The following ANKRD28 variants were observed in gnomAD, a reference collection of about 807,000 sequenced individuals.
ANKRD28 encodes the protein serine/threonine-protein phosphatase 6 regulatory ankyrin repeat subunit A.
Under a neutral mutation model 126.5 loss-of-function variants are expected in ANKRD28, and 44 were observed. That is an observed-to-expected ratio of 0.35 (90% CI 0.27 to 0.45). ANKRD28 has a LOEUF of 0.45. ANKRD28 is among the 20% of genes least tolerant of loss of function. The probability of loss-of-function intolerance (pLI) is 1.00; values close to 1 mark genes in which losing one functional copy is unlikely to be tolerated. For missense variants in ANKRD28, 1,110 were observed against 1,316.6 expected, an observed-to-expected ratio of 0.84 and a Z score of 2.43; for synonymous variants, 442 against 468.5, an observed-to-expected ratio of 0.94 and a Z score of 0.73.
chr3:15,824,836 G>A (rs1219166229), intron 1 of ANKRD28, among the ~76,000 whole-genome samples: 1 of 152,244 alleles, frequency 6.6e-6, no homozygotes, highest in Non-Finnish European at 1.5e-5. Context: ...ATTCCTAATA[G>A]AGGGCAGGAT....
At chr3:15,711,911 G>A (rs1396431649) in intron 11 of ANKRD28, among the ~76,000 whole-genome samples, 1 of 151,676 alleles carries the variant, frequency 6.6e-6, no homozygotes, top group Admixed American at 6.6e-5. Context: ...GGCCATGCTG[G>A]TCTTGAACTC....
intron 1 of ANKRD28, among the ~76,000 whole-genome samples, chr3:15,858,719 T>A (rs1420771663): frequency 6.6e-6 from 1 of 152,220 alleles, no homozygotes; most frequent in African/African-American, 2.4e-5. Context: ...TCTTTCCAAA[T>A]GTTTAGGTGT....
chr3:15,671,709 G>A (rs2066380265), intron 27 of ANKRD28, among the ~76,000 whole-genome samples: 2 of 151,078 alleles, frequency 1.3e-5, no homozygotes, highest in African/African-American at 2.4e-5. Flanking sequence ...TCAGCCTCCT[G>A]AGTAGCTGGG....
chr3:15,797,784 C>T lies in ANKRD28; in HGVS notation c.-1263G>A. 1 of 985,438 alleles carries T rather than the reference C, an allele frequency of 1.0e-6. No homozygotes were observed. Among genetic ancestry groups the T allele is most frequent in the African/African-American group, 1.7e-5 (1 of 57,348 alleles). The allele number at this position is 985,438 out of a possible 1,614,324, so 61.0% of individuals were successfully genotyped here. On this transcript the variant is annotated 5_prime_UTR_variant, in exon 1 of 28. Transcript: ENST00000683139. The stretch of plus-strand genomic sequence containing the variant: ...AGTTATCCTTTTCAGATTTCAAATG[C>T]TTTCCTGTTCCTCAGATGATCTTGC...
At chr3:15,857,577 G>A (rs759994714) in intron 1 of ANKRD28, among the ~76,000 whole-genome samples, 7 of 152,192 alleles carry the variant, frequency 4.6e-5, no homozygotes, top group Non-Finnish European at 1.0e-4. Flanking sequence ...GAGCCACCGC[G>A]CCTGGCCGCA....
At chr3:15,744,891 C>T (rs1389066156) in intron 4 of ANKRD28, among the ~76,000 whole-genome samples, 4 of 152,070 alleles carry the variant, frequency 2.6e-5, no homozygotes, top group East Asian at 3.9e-4. Flanking sequence ...TCATTGCATC[C>T]ACACCAACAT....
intron 1 of ANKRD28, among the ~76,000 whole-genome samples, chr3:15,851,708 G>A (rs2061655788): frequency 6.6e-6 from 1 of 152,162 alleles, no homozygotes; most frequent in Non-Finnish European, 1.5e-5. Flanking sequence ...GAAAAATGGT[G>A]CAGCCACTCT....
chr3:15,793,931 G>A (rs1443646097), intron 2 of ANKRD28, among the ~76,000 whole-genome samples: 4 of 152,052 alleles, frequency 2.6e-5, no homozygotes, highest in East Asian at 1.9e-4. Context: ...TTAATCGGGC[G>A]TGGTGGCAGG....
intron 2 of ANKRD28, among the ~76,000 whole-genome samples, chr3:15,771,733 T>C (rs989707215): frequency 6.6e-6 from 1 of 152,132 alleles, no homozygotes; most frequent in Admixed American, 6.5e-5. Flanking sequence ...GGGACAAACA[T>C]CCAAACGATA....
In ANKRD28 at chr3:15,791,216, C is replaced by T. The variant is rs141873120; in HGVS notation, c.201+4007G>A. On this transcript the variant is annotated intron_variant, in intron 2 of 27. Coordinates refer to ENST00000683139, the MANE Select transcript of ANKRD28 (RefSeq NM_001349278.2). ...GTCCTGGCAATCTATAGATTCAATG[C>T]AATCCCAATCAAAATACCAATGGAA... Among the ~76,000 whole-genome samples the T allele has an allele frequency of 4.1e-3, 620 of 152,086 alleles. 12 individuals carry two copies. The highest frequency in any genetic ancestry group is 0.027 in the Admixed American group (419 of 15,264).
chr3:15,859,468 C>T, exon 1 of ANKRD28: 1 of 1,391,594 alleles, frequency 7.2e-7, no homozygotes, highest in Non-Finnish European at 9.7e-7. Flanking sequence ...CGCCGCCGAC[C>T]GGCCCACTGC....
At chr3:15,834,187 T>C (rs888802419) in intron 1 of ANKRD28, among the ~76,000 whole-genome samples, 3 of 152,170 alleles carry the variant, frequency 2.0e-5, no homozygotes, top group Non-Finnish European at 4.4e-5. Flanking sequence ...ATTTTTATAG[T>C]TTCAGGTCTT....
At chr3:15,734,512 T>TC (rs746481766) in intron 6 of ANKRD28, among the ~76,000 whole-genome samples, 10 of 152,184 alleles carry the variant, frequency 6.6e-5, no homozygotes, top group Non-Finnish European at 1.3e-4. Flanking sequence ...TTATAACCTC[T>TC]GGCAGGAAGA....
At chr3:15,697,207 T>C (rs1160018684) in intron 14 of ANKRD28, 2 of 152,306 alleles carry the variant, frequency 1.3e-5, no homozygotes, top group African/African-American at 4.8e-5. Context: ...GAATATCGTA[T>C]GTTCTCGCTC....
intron 20 of ANKRD28, among the ~76,000 whole-genome samples, 189 bp downstream of exon 20, chr3:15,685,813 T>C (rs1205136548): frequency 1.3e-5 from 2 of 152,232 alleles, no homozygotes; most frequent in East Asian, 1.9e-4. Context: ...TGTTCTAACA[T>C]TGTTCTCTAG....
At chr3:15,807,195 T>C (rs2125871542) in intron 1 of ANKRD28, among the ~76,000 whole-genome samples, 1 of 152,318 alleles carries the variant, frequency 6.6e-6, no homozygotes, top group South Asian at 2.1e-4. Context: ...CTTCCGTGTC[T>C]CCCTTTTCAG....
intron 21 of ANKRD28, among the ~76,000 whole-genome samples, chr3:15,681,705 CT>C (rs1350263785): frequency 6.6e-6 from 1 of 152,088 alleles, no homozygotes; most frequent in African/African-American, 2.4e-5. Context: ...TGTGTTCCAT[CT>C]TTTGTCAGTT....
chr3:15,727,693 G>A, intron 6 of ANKRD28, among the ~76,000 whole-genome samples: 1 of 152,010 alleles, frequency 6.6e-6, no homozygotes, highest in East Asian at 1.9e-4. Context: ...ATGACTGAGG[G>A]ATTCAAGACT....
At chr3:15,836,277 C>T (rs549882351) in intron 1 of ANKRD28, among the ~76,000 whole-genome samples, 65 of 151,716 alleles carry the variant, frequency 4.3e-4, no homozygotes, top group African/African-American at 1.4e-3. Flanking sequence ...GTAAAAGAGA[C>T]GAGAGAAAAT....
Sources: gnomAD v4.1 joint callset for allele counts (sites outside exome capture counted in the v4.1 genomes callset) on GRCh38, gnomAD v4.1.1 for gene constraint, MANE v1.5 for transcripts, NCBI Gene and HGNC (gene_info 2026-07-23, HGNC 2026-07-21) for gene names.